Variants in TBC1D22A observed in about 807,000 individuals in gnomAD.
TBC1D22A encodes TBC1 domain family member 22A, also known as putative GTPase activator.
In TBC1D22A, 38 loss-of-function variants were observed where a neutral mutation model predicts 60.2. The ratio of observed to expected loss-of-function variants is 0.63; its 90% CI spans 0.49 to 0.83. TBC1D22A has a LOEUF of 0.83. Among genes scored for constraint, TBC1D22A ranks in the 40% least tolerant of loss-of-function variants. The probability of loss-of-function intolerance (pLI) is 0.00; values close to 1 mark genes in which losing one functional copy is unlikely to be tolerated. For synonymous variants in TBC1D22A, 302 were observed against 281.7 expected (o/e 1.07, Z -0.72); for missense variants, 628 against 701.0 (o/e 0.90, Z 1.18).
At chr22:47,066,070 G>A (rs1266964896) in intron 11 of TBC1D22A, among the ~76,000 whole-genome samples, 1 of 152,204 alleles carries the variant, frequency 6.6e-6, no homozygotes, top group Admixed American at 6.5e-5. Context: ...ATTTATCGAG[G>A]ATCGTTAGGG....
intron 4 of TBC1D22A, among the ~76,000 whole-genome samples, chr22:46,802,124 A>T (rs2146964548): frequency 6.6e-6 from 1 of 152,350 alleles, no homozygotes; most frequent in Middle Eastern, 3.4e-3. Flanking sequence ...CCTGCCCTGC[A>T]GGGTCCTCGT....
intron 12 of TBC1D22A, among the ~76,000 whole-genome samples, chr22:47,172,923 C>T (rs2068543387): frequency 6.6e-6 from 1 of 152,226 alleles, no homozygotes; most frequent in African/African-American, 2.4e-5. Context: ...GTGATCCCCT[C>T]GTGTGGGCTT....
chr22:46,954,392 C>A (rs2073079581), intron 8 of TBC1D22A, among the ~76,000 whole-genome samples: 1 of 152,214 alleles, frequency 6.6e-6, no homozygotes, highest in Non-Finnish European at 1.5e-5. Context: ...GTGCTCATTC[C>A]TATCTGTTGA....
intron 1 of TBC1D22A, among the ~76,000 whole-genome samples, chr22:46,786,029 C>G (rs780291684): frequency 6.6e-6 from 1 of 152,192 alleles, no homozygotes; most frequent in Non-Finnish European, 1.5e-5. Context: ...TTATTCTCCC[C>G]ACCTTGGCCT....
intron 5 of TBC1D22A, among the ~76,000 whole-genome samples, chr22:46,884,379 C>G (rs1315336728): frequency 6.6e-6 from 1 of 152,194 alleles, no homozygotes; most frequent in East Asian, 1.9e-4. Flanking sequence ...GAGGGCTTAC[C>G]CGTTCCCTCA....
chr22:47,131,758 C>T (rs973821625), intron 12 of TBC1D22A, among the ~76,000 whole-genome samples: 1 of 152,208 alleles, frequency 6.6e-6, no homozygotes. Flanking sequence ...CCCATCAGTG[C>T]ACAGTGACCC....
At chr22:46,974,600 C>T (rs136112) in intron 9 of TBC1D22A, among the ~76,000 whole-genome samples, 32 of 152,152 alleles carry the variant, frequency 2.1e-4, no homozygotes, top group African/African-American at 7.5e-4. Flanking sequence ...GTTCTGGGCA[C>T]GGTCACGTGT....
chr22:47,125,943 C>T (rs776090949), intron 12 of TBC1D22A, among the ~76,000 whole-genome samples: 4 of 152,168 alleles, frequency 2.6e-5, no homozygotes, highest in Admixed American at 6.5e-5. Context: ...ACTCAGAGCA[C>T]GTGGGAACAC....
intron 1 of TBC1D22A, among the ~76,000 whole-genome samples, chr22:46,773,167 C>T (rs867022071): frequency 2.9e-4 from 44 of 152,300 alleles, no homozygotes; most frequent in Middle Eastern, 6.8e-3. Flanking sequence ...GCCCTTCACC[C>T]CCTGAACACA....
intron 1 of TBC1D22A, among the ~76,000 whole-genome samples, chr22:46,769,948 AG>A (rs1236751536): frequency 6.6e-6 from 1 of 151,958 alleles, no homozygotes; most frequent in Non-Finnish European, 1.5e-5. Flanking sequence ...TGCTGGCCTG[AG>A]GGGATGGGAG....
At position 46,891,389 on chromosome 22, in the gene TBC1D22A, A is replaced by G. The variant is rs1238578949; in HGVS notation, c.832A>G (p.Arg278Gly). 1.9e-6 allele frequency: 3 copies of G among 1,603,854 alleles called. No individual in the cohort carries two copies. The African/African-American group carries it at 4.0e-5, about 22-fold the overall frequency. ...CGACGAAGTTCACCAGGACACATACAGGCAGGTGGGAATCCTTTCTTTTTT... is the reference window on the plus strand; with the variant it reads ...CGACGAAGTTCACCAGGACACATACGGGCAGGTGGGAATCCTTTCTTTTTT... ...RNDEVHQDTY[R>G]QIHIDIPRMS... The change falls in exon 6 of 13, where the codon AGG becomes GGG. Residue 278 changes from arginine to glycine, a missense_variant. Arg to Gly is a moderately radical substitution (Grantham distance 125). Transcript: ENST00000337137.
At chr22:47,105,193 A>G (rs181941340) in intron 11 of TBC1D22A, among the ~76,000 whole-genome samples, 101 of 152,298 alleles carry the variant, frequency 6.6e-4, no homozygotes, top group Non-Finnish European at 7.8e-4. Context: ...TATACTACAA[A>G]GCCACAGTAG....
chr22:46,856,849 A>G (rs1478359522), intron 4 of TBC1D22A, among the ~76,000 whole-genome samples: 1 of 152,222 alleles, frequency 6.6e-6, no homozygotes, highest in East Asian at 1.9e-4. Context: ...GATGACATAA[A>G]TATTTGTTTG....
Position 47,054,096 on chromosome 22 carries a change from G to A in TBC1D22A, c.1329+16898G>A, listed in dbSNP as rs150740521. ...CGCTGCTCAGAGTCTCTGGGTAGCA[G>A]CCAGTGCCCGAGCTCTGGGCATGCA... is the stretch of plus-strand genomic sequence containing the variant. On this transcript the variant is annotated intron_variant, in intron 11 of 12. Transcript: ENST00000337137. 9.3e-4 allele frequency among the ~76,000 whole-genome samples: 141 copies of A among 152,332 alleles called. No individual in the cohort carries two copies. The Middle Eastern group carries it at 0.014, about 15-fold the overall frequency.
intron 4 of TBC1D22A, among the ~76,000 whole-genome samples, chr22:46,826,806 A>G (rs1319908819): frequency 6.6e-6 from 1 of 152,226 alleles, no homozygotes; most frequent in Non-Finnish European, 1.5e-5. Flanking sequence ...CAGCAGAGTC[A>G]GGATTTGAAC....
chr22:47,159,104 A>T (rs929541228), intron 12 of TBC1D22A, among the ~76,000 whole-genome samples: 2 of 149,938 alleles, frequency 1.3e-5, no homozygotes, highest in African/African-American at 2.5e-5. Context: ...CACAGATAAC[A>T]CCTCACCATA....
At position 46,795,320 on chromosome 22, in the gene TBC1D22A, C is replaced by T. The variant is rs147736942; in HGVS notation, c.460+1479C>T. ...TGAAGCTCTGTGAGCCTCTCAGCAC[C>T]GTGCCCCCTACCCCCAAGATGCAGG... On this transcript the variant is annotated intron_variant, in intron 3 of 12. Transcript: ENST00000337137. 1.6e-3 allele frequency among the ~76,000 whole-genome samples: 243 copies of T among 152,296 alleles called. 1 individual carries two copies. Among genetic ancestry groups the T allele is most frequent in the African/African-American group, 5.2e-3 (216 of 41,566 alleles).
intron 8 of TBC1D22A, among the ~76,000 whole-genome samples, chr22:46,970,309 T>C (rs2073997485): frequency 6.6e-6 from 1 of 152,126 alleles, no homozygotes; most frequent in Non-Finnish European, 1.5e-5. Flanking sequence ...GCTTCCTGTC[T>C]CTGCTTTCAC....
rs2076204014 is a variant in TBC1D22A, at chr22:46,777,967, CTG to C, written c.63-14551_63-14550del. Among the ~76,000 whole-genome samples, 1 of 152,244 alleles carries C rather than the reference CTG, an allele frequency of 6.6e-6. No individual in the cohort carries two copies. The highest frequency in any genetic ancestry group is 2.1e-4 in the South Asian group (1 of 4,836). On this transcript the variant is annotated intron_variant, in intron 1 of 12. Coordinates refer to ENST00000337137, the MANE Select transcript of TBC1D22A (RefSeq NM_014346.5). The surrounding 1 kb of genome is among the most constrained non-coding windows in gnomAD (Gnocchi z 4.5). ...CGTCTGTTGCTCTGAGGCTATGTGC[CTG>C]TACAGCATGGTACTGTTCTGAATAC...
Sources: allele counts gnomAD v4.1 joint callset (sites outside exome capture counted in the v4.1 genomes callset), GRCh38; gene constraint gnomAD v4.1.1; non-coding constraint Gnocchi (gnomAD v3.1); transcripts MANE v1.5; gene names NCBI Gene and HGNC (gene_info 2026-07-23, HGNC 2026-07-21).